Variants in UGT1A5 observed in about 807,000 individuals in gnomAD.
UGT1A5 encodes UDP glucuronosyltransferase family 1 member A5, also known as UDP-glucuronosyltransferase 1A5.
In UGT1A5, 29 loss-of-function variants were observed where a neutral mutation model predicts 40.3. The observed-to-expected ratio is 0.72, with a 90% CI of 0.54 to 0.98. The LOEUF (loss-of-function observed/expected upper bound fraction) is 0.98. Ranked by LOEUF, UGT1A5 falls within the 50% of genes least tolerant of loss-of-function variation. UGT1A5 has a pLI of 0.00. For synonymous variants in UGT1A5, 257 were observed against 262.5 expected (o/e 0.98, Z 0.20); for missense variants, 678 against 677.9 (o/e 1.00, Z 0.00).
chr2:233,740,668 G>C (rs1267064015), intron 1 of UGT1A5: 1 of 151,782 alleles, frequency 6.6e-6, no homozygotes, highest in Non-Finnish European at 1.5e-5. Context: ...GAAGGTACAG[G>C]TGTTTCCATG....
intron 1 of UGT1A5, chr2:233,717,937 A>G: frequency 4.4e-6 from 2 of 454,168 alleles, no homozygotes; most frequent in East Asian, 7.0e-5. Flanking sequence ...TTCAGTCTCT[A>G]TGCAGACTTG....
At position 233,769,699 on chromosome 2, in the gene UGT1A5, A is replaced by G. The variant is rs1699920777; in HGVS notation, c.1307+1260A>G. On this transcript the variant is annotated intron_variant, in intron 4 of 4. Transcript: ENST00000373414. The surrounding 1 kb of genome is among the most constrained non-coding windows in gnomAD (Gnocchi z 4.4). ...TGTGTGTGGTGGCACTGGATAAAAG[A>G]TCAATGTTGGCTAGGCACCATGGCA... 4 of 1,529,942 alleles carry G rather than the reference A, an allele frequency of 2.6e-6. No individual in the cohort carries two copies. The South Asian group carries it at 3.8e-5, about 14-fold the overall frequency. 94.8% of individuals were successfully genotyped at this position (1,529,942 alleles called of 1,614,324 possible). A position where few individuals can be genotyped will look rare whatever the true frequency, so the allele number is the denominator to read the frequency against.
intron 1 of UGT1A5, among the ~76,000 whole-genome samples, chr2:233,715,166 G>A (rs568439911): frequency 2.0e-5 from 3 of 152,228 alleles, no homozygotes; most frequent in East Asian, 3.9e-4. Context: ...AATTACAGGC[G>A]CGAGCCACCA....
At chr2:233,751,260 C>A (rs1187773799) in intron 1 of UGT1A5, among the ~76,000 whole-genome samples, 1 of 151,902 alleles carries the variant, frequency 6.6e-6, no homozygotes, top group Non-Finnish European at 1.5e-5. Context: ...GGGCCTGTAG[C>A]CCCCTTTTTT....
chr2:233,745,312 T>A (rs1693068284), intron 1 of UGT1A5, among the ~76,000 whole-genome samples: 1 of 151,876 alleles, frequency 6.6e-6, no homozygotes, highest in South Asian at 2.1e-4. Flanking sequence ...AGTGATTATT[T>A]CCACTAGAAC....
rs576733843 is a variant in UGT1A5 at position 233,754,931 on chromosome 2, G to A, written c.868-12103G>A. ...TATTCTCCAGCGGGTTTCCCAAGAG[G>A]TCAAAGGAGAATGGGTCCCGGCCGC... On this transcript the variant is annotated intron_variant, in intron 1 of 4. Transcript: ENST00000373414. 20 of 1,344,540 alleles carry A rather than the reference G, an allele frequency of 1.5e-5. No homozygotes were observed. The African/African-American group carries it at 2.2e-4, about 15-fold the overall frequency. The allele number at this position is 1,344,540 out of a possible 1,614,324, so 83.3% of individuals were successfully genotyped here. A position where few individuals can be genotyped will look rare whatever the true frequency, so the allele number is the denominator to read the frequency against.
chr2:233,757,560 A>ATATATATATATATATATATATGTG (rs904896556), intron 1 of UGT1A5, among the ~76,000 whole-genome samples: 3 of 123,154 alleles, frequency 2.4e-5, no homozygotes, highest in Admixed American at 7.8e-5. Context: ...ATATATATAT[A>ATATATATATATATATATATATGTG]TGTATATATG....
rs533404227 is a variant in UGT1A5, at chr2:233,760,412, G to A, written c.868-6622G>A. 5.0e-6 allele frequency: 8 copies of A among 1,614,222 alleles called. No homozygotes were observed. The African/African-American group carries it at 1.1e-4, about 22-fold the overall frequency. Reference sequence around the variant, plus strand: ...CCAGTGGATGGCAGCCACTGGCTGAGCATGCTTGGGGCCATCCAGCAGCTG... The same window carrying A: ...CCAGTGGATGGCAGCCACTGGCTGAACATGCTTGGGGCCATCCAGCAGCTG... On this transcript the variant is annotated intron_variant, in intron 1 of 4. Transcript: ENST00000373414.
chr2:233,747,353 C>G, intron 1 of UGT1A5: 1 of 1,602,858 alleles, frequency 6.2e-7, no homozygotes, highest in Non-Finnish European at 8.5e-7. Flanking sequence ...TGCGGGAGGC[C>G]GTGCGGGAGC....
intron 1 of UGT1A5, among the ~76,000 whole-genome samples, chr2:233,721,044 CT>C (rs1475591591): frequency 6.6e-6 from 1 of 151,954 alleles, no homozygotes; most frequent in Non-Finnish European, 1.5e-5. Context: ...GAATTGAGCC[CT>C]TTTTTGTCAT....
intron 1 of UGT1A5, chr2:233,719,057 C>T (rs777947055): frequency 1.2e-6 from 2 of 1,614,274 alleles, no homozygotes; most frequent in South Asian, 2.2e-5. Flanking sequence ...CCCTGACAGC[C>T]TATGCTGTTC....
intron 1 of UGT1A5, among the ~76,000 whole-genome samples, chr2:233,719,930 G>C (rs904855): frequency 0.08 from 12,193 of 152,230 alleles, 624 homozygotes; most frequent in East Asian, 0.2. Flanking sequence ...CTCACGGACA[G>C]TGTTTGTAAA....
chr2:233,745,046 G>T (rs1021131728), intron 1 of UGT1A5, among the ~76,000 whole-genome samples: 1 of 151,780 alleles, frequency 6.6e-6, no homozygotes, highest in African/African-American at 2.4e-5. Flanking sequence ...TACAGTATTG[G>T]TTTTTTATTT....
At chr2:233,768,790 G>C (rs1021832155) in intron 4 of UGT1A5, among the ~76,000 whole-genome samples, 1 of 152,024 alleles carries the variant, frequency 6.6e-6, no homozygotes, top group Admixed American at 6.6e-5. Context: ...CACCATGTTT[G>C]TCAGGCTGGT....
chr2:233,731,753 A>G (rs950237110), intron 1 of UGT1A5, among the ~76,000 whole-genome samples: 2 of 152,194 alleles, frequency 1.3e-5, no homozygotes, highest in Non-Finnish European at 2.9e-5. Context: ...ATACGTGTGC[A>G]TGTGTCCTTA....
intron 1 of UGT1A5, among the ~76,000 whole-genome samples, chr2:233,716,889 C>A (rs991395363): frequency 6.6e-6 from 1 of 152,030 alleles, no homozygotes; most frequent in Non-Finnish European, 1.5e-5. Flanking sequence ...CAGCCCAGAC[C>A]CCTCCTCATC....
chr2:233,769,576 T>C lies in UGT1A5; in HGVS notation c.1307+1137T>C. The C allele has an allele frequency of 3.1e-6, 5 of 1,612,860 alleles. No individual in the cohort carries two copies. Among genetic ancestry groups the C allele is most frequent in the Non-Finnish European group, 4.2e-6 (5 of 1,179,860 alleles). ...GACAGATGTGAAGAGCTGGAGCATG[T>C]TCAGATGAGAGGAGACGGAACACGG... On this transcript the variant is annotated intron_variant, in intron 4 of 4. Coordinates refer to ENST00000373414, the MANE Select transcript of UGT1A5 (RefSeq NM_019078.2). The surrounding 1 kb of genome is among the most constrained non-coding windows in gnomAD (Gnocchi z 4.4).
intron 1 of UGT1A5, chr2:233,760,374 G>A: frequency 1.9e-6 from 3 of 1,614,168 alleles, no homozygotes; most frequent in Non-Finnish European, 2.5e-6. Context: ...ATGCTGGGAA[G>A]ATACTGTTGA....
chr2:233,721,912 C>T (rs2125685075), intron 1 of UGT1A5: 6 of 427,588 alleles, frequency 1.4e-5, no homozygotes, highest in Middle Eastern at 5.8e-4. Context: ...GTGCACACTG[C>T]TTCCATAAAG....
Sources: gnomAD v4.1 joint callset for allele counts (sites outside exome capture counted in the v4.1 genomes callset) on GRCh38, gnomAD v4.1.1 for gene constraint, Gnocchi (gnomAD v3.1) non-coding constraint, MANE v1.5 for transcripts, NCBI Gene and HGNC (gene_info 2026-07-23, HGNC 2026-07-21) for gene names.